TNFRSF10C: variants seen among roughly 807,000 people sequenced by gnomAD.
The protein encoded by TNFRSF10C is TNF receptor superfamily member 10c.
TNFRSF10C carries 17 observed loss-of-function variants against 16.7 expected under a neutral mutation model. The ratio of observed to expected loss-of-function variants is 1.02; its 90% CI spans 0.70 to 1.53. TNFRSF10C has a LOEUF of 1.53. TNFRSF10C is among the 40% of genes most tolerant of loss of function. TNFRSF10C has a pLI of 0.00. For synonymous variants in TNFRSF10C, 73 were observed against 119.7 expected, an observed-to-expected ratio of 0.61 and a Z score of 2.55; for missense variants, 237 against 329.7, an observed-to-expected ratio of 0.72 and a Z score of 2.18.
chr8:23,117,104 G>T lies in TNFRSF10C; in HGVS notation c.*73G>T. ...TAGGCGCTGGCTGAGGGCGGGGGGCGCTGGACACTCTCTGCCCTGCCTCCC... is the reference window on the plus strand; with the variant it reads ...TAGGCGCTGGCTGAGGGCGGGGGGCTCTGGACACTCTCTGCCCTGCCTCCC... On this transcript the variant is annotated 3_prime_UTR_variant, in exon 5 of 5. Coordinates refer to ENST00000356864, the MANE Select transcript of TNFRSF10C (RefSeq NM_003841.5). 1.9e-6 allele frequency: 3 copies of T among 1,564,436 alleles called. No individual in the cohort carries two copies. Among genetic ancestry groups the T allele is most frequent in the Non-Finnish European group, 2.6e-6 (3 of 1,158,650 alleles).
chr8:23,106,492 G>C (rs982724714), intron 1 of TNFRSF10C, among the ~76,000 whole-genome samples: 1 of 150,374 alleles, frequency 6.7e-6, no homozygotes, highest in African/African-American at 2.5e-5. Context: ...GTCCACAGGA[G>C]ACAAGCACAC....
At chr8:23,107,516 T>C (rs888972910) in intron 1 of TNFRSF10C, among the ~76,000 whole-genome samples, 18 of 152,340 alleles carry the variant, frequency 1.2e-4, no homozygotes, top group African/African-American at 3.8e-4. Flanking sequence ...AATGAATCCA[T>C]TTTTAAAAAA....
intron 1 of TNFRSF10C, among the ~76,000 whole-genome samples, chr8:23,109,496 G>A (rs548881444): frequency 6.6e-6 from 1 of 152,074 alleles, no homozygotes; most frequent in African/African-American, 2.4e-5. Flanking sequence ...AATTAGCCAG[G>A]CGTGGTGGCG....
chr8:23,115,695 G>A lies in TNFRSF10C; in HGVS notation c.389+79G>A, dbSNP rs533512788. ...AGTCACCTGGTACCCCTATTTCTCC[G>A]CTGACCCTATGGAGCCTCCAGACCC... On this transcript the variant is annotated intron_variant, in intron 4 of 4. Coordinates refer to ENST00000356864, the MANE Select transcript of TNFRSF10C (RefSeq NM_003841.5). 42 of 1,210,400 alleles carry A rather than the reference G, an allele frequency of 3.5e-5. No homozygotes were observed. The African/African-American group carries it at 3.5e-4, about 10-fold the overall frequency. The allele number at this position is 1,210,400 out of a possible 1,614,324, so 75.0% of individuals were successfully genotyped here.
intron 1 of TNFRSF10C, among the ~76,000 whole-genome samples, chr8:23,110,165 G>T (rs981605422): frequency 2.0e-5 from 3 of 151,696 alleles, no homozygotes; most frequent in Non-Finnish European, 4.4e-5. Flanking sequence ...TAAATGAGAG[G>T]GAGTAAGAGT....
At chr8:23,103,319 C>G in intron 1 of TNFRSF10C, 138 bp downstream of exon 1, 2 of 1,457,046 alleles carry the variant, frequency 1.4e-6, no homozygotes, top group Non-Finnish European at 1.9e-6. Context: ...AACTCGCCGT[C>G]GGAGTCAGGG....
intron 1 of TNFRSF10C, among the ~76,000 whole-genome samples, chr8:23,110,688 T>G (rs1813864589): frequency 6.6e-6 from 1 of 152,244 alleles, no homozygotes. Flanking sequence ...GGGAGCAGCT[T>G]GACAAGGTCC....
At chr8:23,110,267 A>T (rs1424393398) in intron 1 of TNFRSF10C, among the ~76,000 whole-genome samples, 1 of 152,116 alleles carries the variant, frequency 6.6e-6, no homozygotes, top group East Asian at 1.9e-4. Flanking sequence ...GGTTAGCTTC[A>T]CTGTCACCAA....
At position 23,114,651 on chromosome 8, in the gene TNFRSF10C, T is replaced by A. The variant is rs140224404; in HGVS notation, c.167-6T>A. ...CTCATTCATTGGCTTTTCTCTTCCT[T>A]CCCAGGATCTCATAGATCAGAACAT... On this transcript the variant is annotated splice_region_variant and splice_polypyrimidine_tract_variant and intron_variant, in intron 2 of 4. Transcript: ENST00000356864. 1 of 1,611,232 alleles carries A rather than the reference T, an allele frequency of 6.2e-7. No homozygotes were observed. Among genetic ancestry groups the A allele is most frequent in the African/African-American group, 1.3e-5 (1 of 74,984 alleles).
At chr8:23,113,111 A>T (rs543144374) in intron 2 of TNFRSF10C, among the ~76,000 whole-genome samples, 2 of 152,152 alleles carry the variant, frequency 1.3e-5, no homozygotes, top group African/African-American at 4.8e-5. Context: ...AGAAGTGTCT[A>T]TTCAGGTCCC....
At chr8:23,103,317 G>A (rs746296794) in intron 1 of TNFRSF10C, 136 bp downstream of exon 1, 9 of 1,466,778 alleles carry the variant, frequency 6.1e-6, no homozygotes, top group South Asian at 3.7e-5. Context: ...CGAACTCGCC[G>A]TCGGAGTCAG....
intron 1 of TNFRSF10C, among the ~76,000 whole-genome samples, chr8:23,106,312 G>A (rs1337987061): frequency 1.3e-5 from 2 of 152,282 alleles, no homozygotes; most frequent in Middle Eastern, 3.4e-3. Flanking sequence ...GAGAGGCCAT[G>A]CTGTTGCAGG....
In TNFRSF10C at chr8:23,111,921, G is replaced by T. The variant is rs939652595; in HGVS notation, c.166+96G>T. Reference sequence around the variant, plus strand: ...CACCATGATGTTTTGAAATATGTACGCATTGTGGAATGGCTAAATCAAGCT... The same window carrying T: ...CACCATGATGTTTTGAAATATGTACTCATTGTGGAATGGCTAAATCAAGCT... On this transcript the variant is annotated intron_variant, in intron 2 of 4. Transcript: ENST00000356864. 3 of 1,254,176 alleles carry T rather than the reference G, an allele frequency of 2.4e-6. No homozygotes were observed. The African/African-American group carries it at 4.5e-5, about 19-fold the overall frequency. 77.7% of individuals were successfully genotyped at this position (1,254,176 alleles called of 1,614,324 possible).
chr8:23,106,153 A>G (rs1338145555), intron 1 of TNFRSF10C, among the ~76,000 whole-genome samples: 1 of 152,172 alleles, frequency 6.6e-6, no homozygotes, highest in Non-Finnish European at 1.5e-5. Flanking sequence ...TGGGAGGACA[A>G]ATGAACCCCA....
chr8:23,113,263 T>G lies in TNFRSF10C; in HGVS notation c.167-1394T>G, dbSNP rs76870796. ...TCTGTAGGTTGTCTCTTCACTCTGT[T>G]CATTGTTTCCTTTGTCATGCAGAAC... On this transcript the variant is annotated intron_variant, in intron 2 of 4. Transcript: ENST00000356864. Among the ~76,000 whole-genome samples the G allele has an allele frequency of 9.7e-3, 1,484 of 152,314 alleles. 28 individuals are homozygous for G. The highest frequency in any genetic ancestry group is 0.034 in the African/African-American group (1,420 of 41,558).
chr8:23,115,970 G>A (rs1302688462), intron 4 of TNFRSF10C, among the ~76,000 whole-genome samples: 2 of 152,172 alleles, frequency 1.3e-5, no homozygotes, highest in Admixed American at 1.3e-4. Context: ...TCCAGTCTGG[G>A]TTGTATTTGT....
At chr8:23,113,844 T>C (rs1813926646) in intron 2 of TNFRSF10C, among the ~76,000 whole-genome samples, 1 of 151,950 alleles carries the variant, frequency 6.6e-6, no homozygotes, top group South Asian at 2.1e-4. Context: ...TAATCCCAGC[T>C]ACTCGGGAGG....
chr8:23,111,962 T>C (rs1311638808), intron 2 of TNFRSF10C, 137 bp downstream of exon 2: 2 of 918,548 alleles, frequency 2.2e-6, no homozygotes, highest in Non-Finnish European at 3.3e-6. Context: ...ACATACTTAA[T>C]CATGTATTCG....
intron 3 of TNFRSF10C, 34 bp from the exon 4 acceptor site, chr8:23,115,474 A>C: frequency 1.3e-6 from 2 of 1,584,158 alleles, no homozygotes; most frequent in Non-Finnish European, 1.7e-6. Context: ...ACATCAGGGA[A>C]ACACATTCCC....
Sources: allele counts gnomAD v4.1 joint callset (sites outside exome capture counted in the v4.1 genomes callset), GRCh38; gene constraint gnomAD v4.1.1; transcripts MANE v1.5; gene names NCBI Gene and HGNC (gene_info 2026-07-23, HGNC 2026-07-21).